PTPRT: variants seen among roughly 807,000 people sequenced by gnomAD.
The protein encoded by PTPRT is receptor-type tyrosine-protein phosphatase T.
A neutral mutation model predicts 176.8 loss-of-function variants in PTPRT; 56 were observed. The ratio of observed to expected loss-of-function variants is 0.32; its 90% CI spans 0.26 to 0.40. The LOEUF (loss-of-function observed/expected upper bound fraction) is 0.40, where lower values mean the gene tolerates loss of function less well. Among genes scored for constraint, PTPRT ranks in the 10% least tolerant of loss-of-function variants. The pLI, the probability that PTPRT is intolerant of heterozygous loss-of-function variation, is 1.00. For missense variants in PTPRT, 1,540 were observed against 1,908.2 expected, an observed-to-expected ratio of 0.81 and a Z score of 3.60; for synonymous variants, 783 against 739.0, an observed-to-expected ratio of 1.06 and a Z score of -0.96.
At chr20:42,913,361 T>C (rs1230593355) in intron 1 of PTPRT, among the ~76,000 whole-genome samples, 1 of 152,156 alleles carries the variant, frequency 6.6e-6, no homozygotes, top group Non-Finnish European at 1.5e-5. Context: ...GGTGGTTTGC[T>C]GGCAATATTT....
intron 2 of PTPRT, among the ~76,000 whole-genome samples, chr20:42,810,168 C>T (rs1364896568): frequency 6.6e-6 from 1 of 152,046 alleles, no homozygotes. Flanking sequence ...GCAGCGTGCA[C>T]CTGTAGTCCC....
chr20:42,487,788 C>T (rs1419138235), intron 7 of PTPRT, among the ~76,000 whole-genome samples: 7 of 152,172 alleles, frequency 4.6e-5, no homozygotes, highest in South Asian at 2.1e-4. Context: ...TTAACTGCTA[C>T]GCTTATGGTG....
chr20:42,422,556 T>C (rs1021228061), intron 9 of PTPRT, among the ~76,000 whole-genome samples: 1 of 152,148 alleles, frequency 6.6e-6, no homozygotes, highest in Non-Finnish European at 1.5e-5. Context: ...AAACAGATGC[T>C]AGCGAGGATG....
chr20:42,330,239 G>A (rs866269589), intron 11 of PTPRT, among the ~76,000 whole-genome samples: 4 of 152,180 alleles, frequency 2.6e-5, no homozygotes, highest in Non-Finnish European at 5.9e-5. Context: ...GGGAGGCTGA[G>A]GTGGGCGGAT....
intron 6 of PTPRT, among the ~76,000 whole-genome samples, chr20:42,690,442 C>A (rs2146116297): frequency 6.6e-6 from 1 of 152,262 alleles, no homozygotes; most frequent in South Asian, 2.1e-4. Context: ...GGCAGAGGAA[C>A]TAGGCCGAGG....
chr20:42,801,293 T>C (rs1280310623), intron 2 of PTPRT, among the ~76,000 whole-genome samples: 1 of 152,138 alleles, frequency 6.6e-6, no homozygotes, highest in Non-Finnish European at 1.5e-5. Flanking sequence ...CATGGAGGTC[T>C]GCTAAAGATC....
chr20:42,536,555 T>C lies in PTPRT; in HGVS notation c.1154-63993A>G, dbSNP rs569483583. Among the ~76,000 whole-genome samples the C allele has an allele frequency of 6.6e-5, 10 of 152,292 alleles. No individual in the cohort carries two copies. The South Asian group carries it at 2.1e-3, about 32-fold the overall frequency. On this transcript the variant is annotated intron_variant, in intron 7 of 30. Coordinates refer to ENST00000373187, the MANE Select transcript of PTPRT (RefSeq NM_007050.6). ...TTACCATTATTCACTTTATGGGCTATGGGAATGTCATGACTGTTCTGGGCC... is the reference window on the plus strand; with the variant it reads ...TTACCATTATTCACTTTATGGGCTACGGGAATGTCATGACTGTTCTGGGCC...
intron 15 of PTPRT, among the ~76,000 whole-genome samples, chr20:42,203,795 C>A (rs920643574): frequency 6.6e-6 from 1 of 152,132 alleles, no homozygotes; most frequent in Non-Finnish European, 1.5e-5. Context: ...AGAAGAAATA[C>A]CTGTTGCTAT....
chr20:42,511,422 G>A (rs1449345221), intron 7 of PTPRT, among the ~76,000 whole-genome samples: 1 of 152,108 alleles, frequency 6.6e-6, no homozygotes. Context: ...GAAACTCGAA[G>A]GAAGCCAGGA....
chr20:42,685,265 C>T (rs1284328687), intron 6 of PTPRT: 1 of 152,198 alleles, frequency 6.6e-6, no homozygotes, highest in Admixed American at 6.5e-5. Context: ...TATGTGCATG[C>T]CTTCCCTTAG....
intron 1 of PTPRT, among the ~76,000 whole-genome samples, chr20:42,930,867 C>A (rs1979803108): frequency 6.6e-6 from 1 of 152,126 alleles, no homozygotes; most frequent in African/African-American, 2.4e-5. Context: ...CAGCAAGTAG[C>A]AAGATACAGC....
chr20:42,723,025 A>G (rs946171717), intron 6 of PTPRT, among the ~76,000 whole-genome samples: 5 of 152,238 alleles, frequency 3.3e-5, no homozygotes, highest in African/African-American at 1.2e-4. Context: ...TTAACAAGTC[A>G]CAACTTCAGT....
intron 6 of PTPRT, among the ~76,000 whole-genome samples, chr20:42,690,453 G>T (rs1243843580): frequency 6.6e-6 from 1 of 152,188 alleles, no homozygotes; most frequent in African/African-American, 2.4e-5. Context: ...TAGGCCGAGG[G>T]TTGGGTTGGG....
chr20:42,208,511 C>A (rs200965417), intron 15 of PTPRT, among the ~76,000 whole-genome samples: 2,069 of 151,476 alleles, frequency 0.014, 41 homozygotes, highest in African/African-American at 0.049. Flanking sequence ...CTGATAAAAC[C>A]GACTTTAAAC....
intron 7 of PTPRT, among the ~76,000 whole-genome samples, chr20:42,502,401 TACAA>T (rs2071766022): frequency 8.1e-6 from 1 of 122,732 alleles, no homozygotes; most frequent in Admixed American, 8.1e-5. Flanking sequence ...TACATATGTA[TACAA>T]ACACACACAC....
chr20:43,008,668 G>A (rs568115690), intron 1 of PTPRT, among the ~76,000 whole-genome samples: 4 of 152,234 alleles, frequency 2.6e-5, no homozygotes, highest in Non-Finnish European at 1.5e-5. Context: ...TCCAGCCTAG[G>A]CAACAGAATG....
intron 2 of PTPRT, among the ~76,000 whole-genome samples, chr20:42,837,255 A>G (rs1298764402): frequency 3.3e-5 from 5 of 152,168 alleles, no homozygotes; most frequent in African/African-American, 1.2e-4. Flanking sequence ...CCCCACTGTG[A>G]GTGGGCCCAG....
intron 15 of PTPRT, among the ~76,000 whole-genome samples, chr20:42,233,627 G>C (rs1165343126): frequency 6.6e-6 from 1 of 152,160 alleles, no homozygotes; most frequent in Admixed American, 6.5e-5. Flanking sequence ...TATCACAAGT[G>C]CTTGGTGGTA....
chr20:42,128,824 T>C lies in PTPRT; in HGVS notation c.2777A>G (p.His926Arg), dbSNP rs574677605. The change falls in exon 19 of 31, where the codon CAT (histidine) becomes CGT (arginine). Residue 926 changes from histidine to arginine, a missense_variant. Coordinates refer to ENST00000373187, the MANE Select transcript of PTPRT (RefSeq NM_007050.6). ...CAGCACCAGCAGCCTCACCCGGGAA[T>C]GGTCGTCTGCAGAGAGAGCAGAAAT... The part of the protein sequence containing the change: ...NRYGNIISYD[H>R]SRVRLLVLDG... 1 of 1,606,624 alleles carries C rather than the reference T, an allele frequency of 6.2e-7. No homozygotes were observed. Among genetic ancestry groups the C allele is most frequent in the Non-Finnish European group, 8.5e-7 (1 of 1,175,948 alleles).
Sources: gnomAD v4.1 joint callset for allele counts (sites outside exome capture counted in the v4.1 genomes callset) on GRCh38, gnomAD v4.1.1 for gene constraint, MANE v1.5 for transcripts, NCBI Gene and HGNC (gene_info 2026-07-23, HGNC 2026-07-21) for gene names.